The following NEDD4 variants were observed in gnomAD, a reference collection of about 807,000 sequenced individuals.
NEDD4 encodes NEDD4 E3 ubiquitin protein ligase.
A neutral mutation model predicts 144.9 loss-of-function variants in NEDD4; 99 were observed. The observed-to-expected ratio is 0.68, with a 90% CI of 0.58 to 0.81. The LOEUF (loss-of-function observed/expected upper bound fraction) is 0.81. NEDD4 is among the 30% of genes least tolerant of loss of function. The pLI is 0.00. For missense variants in NEDD4, 985 were observed against 1,065.9 expected (o/e 0.92, Z 1.06); for synonymous variants, 318 against 350.6 (o/e 0.91, Z 1.04).
chr15:55,923,659 A>AAAAAAATAT (rs546642962), intron 5 of NEDD4, among the ~76,000 whole-genome samples: 20 of 135,288 alleles, frequency 1.5e-4, no homozygotes, highest in African/African-American at 5.3e-4. Flanking sequence ...AAAAAAAAAA[A>AAAAAAATAT]ATATATATAT....
intron 8 of NEDD4, among the ~76,000 whole-genome samples, chr15:55,865,610 C>A (rs1204060130): frequency 6.6e-6 from 1 of 151,286 alleles, no homozygotes; most frequent in East Asian, 1.9e-4. Context: ...TGATAACTGA[C>A]ACAGAATAAT....
intron 9 of NEDD4, among the ~76,000 whole-genome samples, chr15:55,862,330 T>G (rs2034438183): frequency 6.6e-6 from 1 of 151,948 alleles, no homozygotes; most frequent in African/African-American, 2.4e-5. Flanking sequence ...AGAATAAATA[T>G]GAATAATGGG....
intron 8 of NEDD4, among the ~76,000 whole-genome samples, chr15:55,866,291 T>C (rs1476505313): frequency 6.6e-6 from 1 of 151,970 alleles, no homozygotes; most frequent in Non-Finnish European, 1.5e-5. Flanking sequence ...TTGCCCAAAT[T>C]TCATTCTCTT....
At position 55,848,423 on chromosome 15, in the gene NEDD4, T is replaced by C; in HGVS notation, c.1491A>G (p.Lys497=). The C allele has an allele frequency of 6.2e-7, 1 of 1,614,168 alleles. No homozygotes were observed. The highest frequency in any genetic ancestry group is 8.5e-7 in the Non-Finnish European group (1 of 1,180,004). The change falls in exon 17 of 29, where the codon AAA becomes AAG. Residue 497 remains lysine (K), a synonymous_variant. Coordinates refer to ENST00000435532, the MANE Select transcript of NEDD4 (RefSeq NM_006154.4). ...GRIFYINHNI[K]RTQWEDPRLE... ...ACCGAGGATCTTCCCATTGTGTTCT[T>C]TTTATATCTGAAGGGAAGAAAAAGA...
At chr15:55,836,575 G>C (rs1440503338) in intron 24 of NEDD4, among the ~76,000 whole-genome samples, 1 of 152,092 alleles carries the variant, frequency 6.6e-6, no homozygotes, top group Non-Finnish European at 1.5e-5. Flanking sequence ...GCCCAGGATG[G>C]AGTGCAGTGG....
At chr15:55,895,364 A>G (rs1426883904) in intron 5 of NEDD4, among the ~76,000 whole-genome samples, 2 of 152,238 alleles carry the variant, frequency 1.3e-5, no homozygotes, top group Non-Finnish European at 2.9e-5. Context: ...TGTTGCAAAT[A>G]TAGAGTGCCT....
intron 13 of NEDD4, among the ~76,000 whole-genome samples, chr15:55,852,161 T>C (rs1431491023): frequency 6.6e-6 from 1 of 151,878 alleles, no homozygotes; most frequent in Non-Finnish European, 1.5e-5. Flanking sequence ...CCAGGTGTGG[T>C]GGCGGGCACC....
chr15:55,838,559 G>T lies in NEDD4; in HGVS notation c.2077C>A (p.Pro693Thr), dbSNP rs766876077. The T allele has an allele frequency of 3.7e-6, 6 of 1,612,588 alleles. No individual in the cohort carries two copies. Among genetic ancestry groups the T allele is most frequent in the Non-Finnish European group, 5.1e-6 (6 of 1,179,282 alleles). Reference sequence around the variant, plus strand: ...ATAAACCTGAGGTCCAATTCTGTTGGGTCATTTTCAAGAATCCATCTTAGG... The same window carrying T: ...ATAAACCTGAGGTCCAATTCTGTTGTGTCATTTTCAAGAATCCATCTTAGG... ...NSLRWILEND[P>T]TELDLRFIID... is the part of the protein sequence containing the mutation. The change falls in exon 22 of 29, where the codon CCA becomes ACA. Residue 693 changes from proline to threonine, a missense_variant. Coordinates refer to ENST00000435532, the MANE Select transcript of NEDD4 (RefSeq NM_006154.4).
At chr15:55,887,513 A>G (rs1467106054) in intron 5 of NEDD4, among the ~76,000 whole-genome samples, 7 of 152,348 alleles carry the variant, frequency 4.6e-5, no homozygotes, top group African/African-American at 1.7e-4. Flanking sequence ...TCACCAAGGA[A>G]AAGCCCAGCA....
chr15:55,936,871 C>T (rs989518478), intron 4 of NEDD4, among the ~76,000 whole-genome samples: 1 of 151,808 alleles, frequency 6.6e-6, no homozygotes, highest in Non-Finnish European at 1.5e-5. Context: ...CGGCTCACTG[C>T]AACCTCTGCC....
chr15:55,860,881 A>T, intron 9 of NEDD4, 103 bp from the exon 10 acceptor site: 1 of 985,382 alleles, frequency 1.0e-6, no homozygotes, highest in East Asian at 2.4e-5. Context: ...TACATCAATA[A>T]AAAAATTTAT....
At chr15:55,833,215 G>A (rs2033041456) in intron 26 of NEDD4, 111 bp from the exon 27 acceptor site, 1 of 660,124 alleles carries the variant, frequency 1.5e-6, no homozygotes, top group Non-Finnish European at 2.5e-6. Flanking sequence ...CTTACTAGAT[G>A]TGGATGTTTC....
At chr15:55,902,562 AACGGG>A (rs2035944835) in intron 5 of NEDD4, among the ~76,000 whole-genome samples, 1 of 152,198 alleles carries the variant, frequency 6.6e-6, no homozygotes, top group African/African-American at 2.4e-5. Context: ...TATATTTTAG[AACGGG>A]ATGAGGCATA....
chr15:55,883,331 T>G (rs2035262681), intron 5 of NEDD4, among the ~76,000 whole-genome samples: 1 of 152,010 alleles, frequency 6.6e-6, no homozygotes, highest in Non-Finnish European at 1.5e-5. Flanking sequence ...GGGAAGAACT[T>G]TGTCTTATGG....
chr15:55,904,544 C>T (rs1289116546), intron 5 of NEDD4, among the ~76,000 whole-genome samples: 2 of 152,104 alleles, frequency 1.3e-5, no homozygotes, highest in African/African-American at 4.8e-5. Flanking sequence ...CTCAAGTGAT[C>T]TGCCCACTTC....
At position 55,842,128 on chromosome 15, in the gene NEDD4, G is replaced by C; in HGVS notation, c.1644C>G (p.Arg548=). 6.2e-7 allele frequency: 1 copy of C among 1,614,116 alleles called. No individual in the cohort carries two copies. The highest frequency in any genetic ancestry group is 8.5e-7 in the Non-Finnish European group (1 of 1,180,018). ...AAGAGTCTTCAAGAACAGTTGCTCG[G>C]CGAAGTTTCATTTCAAATTTGTTTG... is the stretch of plus-strand genomic sequence containing the variant. ...DIPNKFEMKL[R]RATVLEDSYR... Residue 548 remains arginine (R), a synonymous_variant, in exon 19 of 29, where the codon CGC becomes CGG. Transcript: ENST00000435532.
chr15:55,857,122 G>GT (rs761681946), intron 11 of NEDD4, among the ~76,000 whole-genome samples: 5 of 152,158 alleles, frequency 3.3e-5, no homozygotes, highest in African/African-American at 4.8e-5. Context: ...CAAAAAGTAT[G>GT]TTTAAGATGA....
intron 13 of NEDD4, among the ~76,000 whole-genome samples, chr15:55,851,554 G>A (rs529515976): frequency 2.6e-5 from 4 of 151,540 alleles, no homozygotes; most frequent in South Asian, 2.1e-4. Context: ...TTGGCTCACC[G>A]CAACCTCCGC....
chr15:55,857,727 A>T (rs12912732), intron 11 of NEDD4, among the ~76,000 whole-genome samples: 32,062 of 152,158 alleles, frequency 0.21, 3,746 homozygotes, highest in Non-Finnish European at 0.26. Flanking sequence ...ACATGTTATA[A>T]AATTCAAAAG....
Sources: gnomAD v4.1 joint callset for allele counts (sites outside exome capture counted in the v4.1 genomes callset) on GRCh38, gnomAD v4.1.1 for gene constraint, MANE v1.5 for transcripts, NCBI Gene and HGNC (gene_info 2026-07-23, HGNC 2026-07-21) for gene names.